PDZRN4: variants seen among roughly 807,000 people sequenced by gnomAD.
PDZRN4 encodes the protein PDZ domain-containing RING finger protein 4.
A neutral mutation model predicts 99.0 loss-of-function variants in PDZRN4; 70 were observed. The observed-to-expected ratio is 0.71, with a 90% CI of 0.58 to 0.86. The LOEUF (loss-of-function observed/expected upper bound fraction) is 0.86, where lower values mean the gene tolerates loss of function less well. Among genes scored for constraint, PDZRN4 ranks in the 40% least tolerant of loss-of-function variants. PDZRN4 has a pLI of 0.00. For synonymous variants in PDZRN4, 551 were observed against 501.6 expected, an observed-to-expected ratio of 1.10 and a Z score of -1.32; for missense variants, 1,474 against 1,331.2, an observed-to-expected ratio of 1.11 and a Z score of -1.67.
rs765712612 is a variant in PDZRN4 at position 41,573,266 on chromosome 12, C to T, written c.2487C>T (p.Tyr829=). 1 of 1,613,884 alleles carries T rather than the reference C, an allele frequency of 6.2e-7. No homozygotes were observed. Among genetic ancestry groups the T allele is most frequent in the Non-Finnish European group, 8.5e-7 (1 of 1,180,026 alleles). ...AGGCAGTCAGCGAACACATCCCTTA[C>T]CTCTCTCCTTACCACAGCTCCTCAT... is the stretch of plus-strand genomic sequence containing the variant. ...QEKAVSEHIP[Y]LSPYHSSSYR... is the part of the protein sequence containing the mutation. The change falls in exon 10 of 10, where the codon TAC becomes TAT. Residue 829 remains tyrosine (Y), a synonymous_variant. Coordinates refer to ENST00000402685, the MANE Select transcript of PDZRN4 (RefSeq NM_001164595.2).
At chr12:41,206,830 G>A (rs533307739) in intron 3 of PDZRN4, among the ~76,000 whole-genome samples, 31 of 151,848 alleles carry the variant, frequency 2.0e-4, no homozygotes, top group African/African-American at 5.3e-4. Context: ...GTTTTCTCTC[G>A]GAGAAAGAGA....
At chr12:41,254,315 A>G (rs189675281) in intron 3 of PDZRN4, among the ~76,000 whole-genome samples, 2 of 152,132 alleles carry the variant, frequency 1.3e-5, no homozygotes, top group South Asian at 2.1e-4. Context: ...TTCCCCAAAT[A>G]CCCAATAGGT....
At chr12:41,253,902 T>C (rs983364273) in intron 3 of PDZRN4, among the ~76,000 whole-genome samples, 1 of 152,118 alleles carries the variant, frequency 6.6e-6, no homozygotes, top group Non-Finnish European at 1.5e-5. Context: ...AACTATTGCA[T>C]ATTCTCACTC....
intron 5 of PDZRN4, among the ~76,000 whole-genome samples, chr12:41,519,433 C>T (rs1938454813): frequency 6.6e-6 from 1 of 152,022 alleles, no homozygotes; most frequent in African/African-American, 2.4e-5. Flanking sequence ...CTCCAACATC[C>T]ACAAAATGTT....
chr12:41,398,255 G>A (rs1952264775), intron 3 of PDZRN4, among the ~76,000 whole-genome samples: 1 of 152,042 alleles, frequency 6.6e-6, no homozygotes, highest in African/African-American at 2.4e-5. Flanking sequence ...TGGATTAAAA[G>A]CAGTCATGAA....
At chr12:41,369,322 T>G (rs1193295343) in intron 3 of PDZRN4, among the ~76,000 whole-genome samples, 1 of 152,094 alleles carries the variant, frequency 6.6e-6, no homozygotes, top group African/African-American at 2.4e-5. Context: ...TTCTTCCTTG[T>G]AGTTCTCTTA....
chr12:41,292,350 T>C (rs1951461842), intron 3 of PDZRN4, among the ~76,000 whole-genome samples: 1 of 152,286 alleles, frequency 6.6e-6, no homozygotes. Context: ...GCTGGTTTCA[T>C]GTTGCTGGAG....
intron 3 of PDZRN4, among the ~76,000 whole-genome samples, chr12:41,305,678 A>G (rs973483325): frequency 6.6e-6 from 1 of 152,130 alleles, no homozygotes; most frequent in Non-Finnish European, 1.5e-5. Context: ...ACCTCCAAAT[A>G]CCATCACATT....
chr12:41,401,783 A>G (rs1425317593), intron 3 of PDZRN4, among the ~76,000 whole-genome samples: 3 of 151,984 alleles, frequency 2.0e-5, no homozygotes, highest in African/African-American at 4.8e-5. Context: ...GAATGTCACA[A>G]AAAGACTATA....
chr12:41,232,522 G>A (rs560893196), intron 3 of PDZRN4, among the ~76,000 whole-genome samples: 332 of 152,184 alleles, frequency 2.2e-3, no homozygotes, highest in Middle Eastern at 0.014. Flanking sequence ...TACATGTTTA[G>A]CACATCAGGA....
intron 3 of PDZRN4, among the ~76,000 whole-genome samples, chr12:41,374,071 A>G (rs1396813260): frequency 2.0e-5 from 3 of 152,144 alleles, no homozygotes; most frequent in Non-Finnish European, 4.4e-5. Context: ...CTTGAACACA[A>G]GGGAGACAGC....
intron 3 of PDZRN4, among the ~76,000 whole-genome samples, chr12:41,451,541 A>C (rs1425588073): frequency 6.6e-6 from 1 of 152,254 alleles, no homozygotes; most frequent in East Asian, 1.9e-4. Flanking sequence ...AATTTCAGGA[A>C]GATGAAAATA....
At chr12:41,360,609 G>A (rs1361247925) in intron 3 of PDZRN4, among the ~76,000 whole-genome samples, 2 of 151,996 alleles carry the variant, frequency 1.3e-5, no homozygotes, top group African/African-American at 4.8e-5. Context: ...TGCATAGTGA[G>A]TTATATGGCT....
chr12:41,569,434 T>C (rs985224140), intron 9 of PDZRN4, among the ~76,000 whole-genome samples: 4 of 151,978 alleles, frequency 2.6e-5, no homozygotes, highest in Non-Finnish European at 5.9e-5. Context: ...TTTGTATTTT[T>C]AGTAGAGATG....
intron 3 of PDZRN4, among the ~76,000 whole-genome samples, chr12:41,503,214 C>T (rs1222401404): frequency 6.6e-6 from 1 of 152,048 alleles, no homozygotes; most frequent in African/African-American, 2.4e-5. Flanking sequence ...GACTTCTTTA[C>T]TTTGAGAGAT....
intron 3 of PDZRN4, among the ~76,000 whole-genome samples, chr12:41,385,956 G>C (rs966086625): frequency 2.0e-5 from 3 of 152,106 alleles, no homozygotes; most frequent in African/African-American, 7.2e-5. Context: ...ACACCAAAAA[G>C]CTCATCTACC....
At chr12:41,501,146 G>A (rs768917815) in intron 3 of PDZRN4, among the ~76,000 whole-genome samples, 5 of 151,986 alleles carry the variant, frequency 3.3e-5, no homozygotes, top group Admixed American at 6.6e-5. Flanking sequence ...CTTTTATGGC[G>A]CCTTCTTAAA....
At chr12:41,268,741 AT>A in intron 3 of PDZRN4, among the ~76,000 whole-genome samples, 1 of 152,272 alleles carries the variant, frequency 6.6e-6, no homozygotes, top group Non-Finnish European at 1.5e-5. Flanking sequence ...TGAAATCTCC[AT>A]TTTTTAGCAA....
chr12:41,249,002 A>T (rs1176454016), intron 3 of PDZRN4, among the ~76,000 whole-genome samples: 1 of 152,162 alleles, frequency 6.6e-6, no homozygotes, highest in Non-Finnish European at 1.5e-5. Context: ...GTTTTAGTGG[A>T]CATTTATGAT....
Sources: allele counts gnomAD v4.1 joint callset (sites outside exome capture counted in the v4.1 genomes callset), GRCh38; gene constraint gnomAD v4.1.1; transcripts MANE v1.5; gene names NCBI Gene and HGNC (gene_info 2026-07-23, HGNC 2026-07-21).